PPM1D: variants seen among roughly 807,000 people sequenced by gnomAD.
The protein encoded by PPM1D is protein phosphatase, Mg2+/Mn2+ dependent 1D, also known as protein phosphatase 1D.
PPM1D carries 52 observed loss-of-function variants against 58.3 expected under a neutral mutation model. The ratio of observed to expected loss-of-function variants is 0.89; its 90% CI spans 0.71 to 1.12. The LOEUF (loss-of-function observed/expected upper bound fraction) is 1.12, where lower values mean the gene tolerates loss of function less well. PPM1D is among the 50% of genes most tolerant of loss of function. The pLI is 0.00. For synonymous variants in PPM1D, 278 were observed against 285.1 expected (o/e 0.98, Z 0.25); for missense variants, 564 against 777.2 (o/e 0.73, Z 3.26).
chr17:60,632,479 A>G (rs1454302796), intron 2 of PPM1D, among the ~76,000 whole-genome samples: 1 of 152,108 alleles, frequency 6.6e-6, no homozygotes, highest in East Asian at 1.9e-4. Context: ...TGGGAGGATC[A>G]CTGCAGCCCA....
chr17:60,644,886 T>C (rs1173136831), intron 3 of PPM1D, among the ~76,000 whole-genome samples: 2 of 152,324 alleles, frequency 1.3e-5, no homozygotes, highest in Non-Finnish European at 2.9e-5. Context: ...AATACTTAGG[T>C]ATAATTGTAA....
At chr17:60,618,701 G>T (rs897293323) in intron 1 of PPM1D, among the ~76,000 whole-genome samples, 1 of 152,012 alleles carries the variant, frequency 6.6e-6, no homozygotes, top group Non-Finnish European at 1.5e-5. Context: ...TTCCTTTGGC[G>T]CGTAGGTGTG....
Position 60,648,001 on chromosome 17 carries a change from G to T in PPM1D, c.936G>T (p.Gly312=), listed in dbSNP as rs762836434. ...DPQKHKYIIL[G]SDGLWNMIPP... ...AGAAGCACAAGTATATTATATTGGG[G>T]AGTGATGGACTTTGGAATATGATTC... The change falls in exon 4 of 6, where the codon GGG becomes GGT. Residue 312 remains glycine (G), a synonymous_variant. Transcript: ENST00000305921. 1 of 1,614,028 alleles carries T rather than the reference G, an allele frequency of 6.2e-7. No homozygotes were observed. Among genetic ancestry groups the T allele is most frequent in the East Asian group, 2.2e-5 (1 of 44,872 alleles).
At chr17:60,602,659 AGACTTT>A (rs1335687274) in intron 1 of PPM1D, among the ~76,000 whole-genome samples, 4 of 152,108 alleles carry the variant, frequency 2.6e-5, no homozygotes, top group African/African-American at 9.7e-5. Context: ...TTACATACAC[AGACTTT>A]TCGAATTAAG....
At chr17:60,636,495 C>T (rs966330353) in intron 3 of PPM1D, among the ~76,000 whole-genome samples, 1 of 151,972 alleles carries the variant, frequency 6.6e-6, no homozygotes, top group Non-Finnish European at 1.5e-5. Context: ...AGAAATGCTA[C>T]CAAGAAAAAT....
At chr17:60,607,033 G>A (rs1429968407) in intron 1 of PPM1D, among the ~76,000 whole-genome samples, 1 of 150,314 alleles carries the variant, frequency 6.7e-6, no homozygotes, top group Non-Finnish European at 1.5e-5. Flanking sequence ...GTCTTGCCAT[G>A]TTGCCCAGGG....
At chr17:60,635,219 T>A (rs186350715) in intron 3 of PPM1D, among the ~76,000 whole-genome samples, 2 of 151,874 alleles carry the variant, frequency 1.3e-5, no homozygotes, top group East Asian at 3.9e-4. Context: ...CACATATGGG[T>A]TGTTTTTTTT....
At chr17:60,626,385 T>C (rs2030808129) in intron 2 of PPM1D, among the ~76,000 whole-genome samples, 1 of 151,818 alleles carries the variant, frequency 6.6e-6, no homozygotes, top group Non-Finnish European at 1.5e-5. Context: ...GATGTGTTTT[T>C]TTGGGGTTTT....
intron 1 of PPM1D, 74 bp from the exon 2 acceptor site, chr17:60,623,447 T>C: frequency 7.2e-7 from 1 of 1,380,336 alleles, no homozygotes; most frequent in African/African-American, 1.4e-5. Flanking sequence ...ATTCAGAGTT[T>C]GTTGCCATTT....
chr17:60,665,978 G>A lies in PPM1D; in HGVS notation c.*2426G>A, dbSNP rs910384228. ...AAGTGTCATACCAATTCTGTATTTT[G>A]TTGGTCACACAGACCAAGTCAACTA... is the stretch of plus-strand genomic sequence containing the variant. On this transcript the variant is annotated 3_prime_UTR_variant, in exon 6 of 6. Coordinates refer to ENST00000305921, the MANE Select transcript of PPM1D (RefSeq NM_003620.4). The A allele has an allele frequency of 1.3e-5, 2 of 152,170 alleles. No individual in the cohort carries two copies. The highest frequency in any genetic ancestry group is 1.9e-4 in the East Asian group (1 of 5,190). The allele number at this position is 152,170 out of a possible 1,614,324, so 9.4% of individuals were successfully genotyped here. A position where few individuals can be genotyped will look rare whatever the true frequency, so the allele number is the denominator to read the frequency against.
Position 60,663,544 on chromosome 17 carries a change from G to T in PPM1D, c.1810G>T (p.Val604Phe). The T allele has an allele frequency of 6.2e-7, 1 of 1,605,734 alleles. No individual in the cohort carries two copies. Among genetic ancestry groups the T allele is most frequent in the Non-Finnish European group, 8.5e-7 (1 of 1,178,274 alleles). ...LLHQHRKTVC[V>F]C ...TCATCAACACAGGAAAACTGTTTGT[G>T]TTTGCTGAAATGCATCTGGGAAATG... The change falls in exon 6 of 6, where the codon GTT (valine) becomes TTT (phenylalanine). Residue 604 changes from valine to phenylalanine, a missense_variant. By Grantham distance (50) the Val-to-Phe change is conservative. This residue lies in a region of PPM1D where 261 missense variants were observed against 270.1 expected (regional missense o/e 0.97). Coordinates refer to ENST00000305921, the MANE Select transcript of PPM1D (RefSeq NM_003620.4).
chr17:60,614,628 A>T (rs908257892), intron 1 of PPM1D, among the ~76,000 whole-genome samples: 1 of 152,060 alleles, frequency 6.6e-6, no homozygotes, highest in African/African-American at 2.4e-5. Context: ...CTTTGCAATA[A>T]ATCTTGCTGC....
chr17:60,611,670 C>T (rs887196217), intron 1 of PPM1D, among the ~76,000 whole-genome samples: 5 of 152,062 alleles, frequency 3.3e-5, no homozygotes, highest in Non-Finnish European at 7.4e-5. Context: ...CCACCTGCCT[C>T]GGCCTCCCAA....
intron 3 of PPM1D, among the ~76,000 whole-genome samples, chr17:60,634,895 G>A (rs916257376): frequency 6.6e-6 from 1 of 152,044 alleles, no homozygotes; most frequent in Non-Finnish European, 1.5e-5. Context: ...ATCCTCCCAC[G>A]TTAGCCTCCC....
Position 60,665,663 on chromosome 17 carries a change from AAT to A in PPM1D, c.*2114_*2115del, listed in dbSNP as rs945678034. ...CGAAATTTAGCAGTTTAAAACAACA[AAT>A]ATTATCTCCAGTTTCTGAGCCTCAG... On this transcript the variant is annotated 3_prime_UTR_variant, in exon 6 of 6. Coordinates refer to ENST00000305921, the MANE Select transcript of PPM1D (RefSeq NM_003620.4). 6.6e-6 allele frequency: 1 copy of A among 152,180 alleles called. No homozygotes were observed. The highest frequency in any genetic ancestry group is 2.4e-5 in the African/African-American group (1 of 41,460). 9.4% of individuals were successfully genotyped at this position (152,180 alleles called of 1,614,324 possible).
At chr17:60,622,840 T>C (rs1332890706) in intron 1 of PPM1D, among the ~76,000 whole-genome samples, 14 of 152,356 alleles carry the variant, frequency 9.2e-5, no homozygotes, top group Non-Finnish European at 4.4e-5. Flanking sequence ...CTCATGCCCA[T>C]GATCCCAGCA....
chr17:60,656,754 A>C lies in PPM1D; in HGVS notation c.1173A>C (p.Leu391Phe), dbSNP rs1173359131. Residue 391 changes from leucine (L) to phenylalanine (F), a missense_variant, in exon 5 of 6, where the codon TTA becomes TTC. Leu to Phe is a conservative substitution (Grantham distance 22). Transcript: ENST00000305921. ...GAAACTTTACCAATGAAGATGAGTT[A>C]TACCTGAACCTGACTGACAGCCCTT... ...NQGNFTNEDE[L>F]YLNLTDSPSY... 1.9e-6 allele frequency: 3 copies of C among 1,614,120 alleles called. No individual in the cohort carries two copies. In the African/African-American group the frequency reaches 4.0e-5, roughly 22 times the overall value.
At chr17:60,619,089 T>A (rs2030645262) in intron 1 of PPM1D, among the ~76,000 whole-genome samples, 1 of 152,248 alleles carries the variant, frequency 6.6e-6, no homozygotes, top group Non-Finnish European at 1.5e-5. Flanking sequence ...TCTTTCCTTC[T>A]GTGACTTTTT....
intron 3 of PPM1D, among the ~76,000 whole-genome samples, chr17:60,637,620 T>G (rs924290306): frequency 6.6e-6 from 1 of 152,120 alleles, no homozygotes; most frequent in Non-Finnish European, 1.5e-5. Context: ...GCTTTCAATT[T>G]GGGGGAGCCA....
Sources: allele counts gnomAD v4.1 joint callset (sites outside exome capture counted in the v4.1 genomes callset), GRCh38; gene constraint gnomAD v4.1.1; regional missense constraint gnomAD v4.1.1; transcripts MANE v1.5; gene names NCBI Gene and HGNC (gene_info 2026-07-23, HGNC 2026-07-21).